Variants in ZBTB7C observed in about 807,000 individuals in gnomAD.
The protein encoded by ZBTB7C is zinc finger and BTB domain containing 7C.
Under a neutral mutation model 25.7 loss-of-function variants are expected in ZBTB7C, and 8 were observed. That is an observed-to-expected ratio of 0.31 (90% CI 0.18 to 0.56). ZBTB7C has a LOEUF of 0.56. Among genes scored for constraint, ZBTB7C ranks in the 20% least tolerant of loss-of-function variants. ZBTB7C has a pLI of 0.91. For missense variants in ZBTB7C, 824 were observed against 855.2 expected, an observed-to-expected ratio of 0.96 and a Z score of 0.46; for synonymous variants, 394 against 369.0, an observed-to-expected ratio of 1.07 and a Z score of -0.78.
chr18:48,280,092 C>T (rs764945426), intron 2 of ZBTB7C, among the ~76,000 whole-genome samples: 19 of 152,118 alleles, frequency 1.2e-4, no homozygotes, highest in Non-Finnish European at 1.9e-4. Flanking sequence ...AAGGAACTCA[C>T]CCTACAATTA....
At chr18:48,042,434 G>C (rs1370703903) in intron 3 of ZBTB7C, among the ~76,000 whole-genome samples, 1 of 152,180 alleles carries the variant, frequency 6.6e-6, no homozygotes, top group Non-Finnish European at 1.5e-5. Context: ...AAAGTGGGGA[G>C]AAAACAAAAA....
chr18:48,037,481 G>A (rs969813421), intron 4 of ZBTB7C, among the ~76,000 whole-genome samples: 2 of 152,194 alleles, frequency 1.3e-5, no homozygotes, highest in Admixed American at 1.3e-4. Flanking sequence ...AATGTCCCAG[G>A]GTCCAGAGGG....
chr18:48,072,132 T>G (rs1419324388), intron 3 of ZBTB7C, among the ~76,000 whole-genome samples: 1 of 152,206 alleles, frequency 6.6e-6, no homozygotes, highest in Non-Finnish European at 1.5e-5. Context: ...GAAGCATGAA[T>G]GAATGAATGA....
chr18:48,224,493 C>T (rs1188487169), intron 2 of ZBTB7C, among the ~76,000 whole-genome samples: 1 of 152,200 alleles, frequency 6.6e-6, no homozygotes, highest in Non-Finnish European at 1.5e-5. Context: ...GTGAGGACAG[C>T]AGACATGCCG....
rs1015184888 is a variant in ZBTB7C, at chr18:48,308,478, C to T, written c.-79+29696G>A. Among the ~76,000 whole-genome samples, 6 of 152,214 alleles carry T rather than the reference C, an allele frequency of 3.9e-5. No individual in the cohort carries two copies. In the East Asian group the frequency reaches 1.2e-3, roughly 29 times the overall value. ...TGGTTTCTCAGTGGGCATCCCGAGT[C>T]TCCTGCCAGCCTGGGGGCTGCCCTG... On this transcript the variant is annotated intron_variant, in intron 2 of 4. Transcript: ENST00000590800.
intron 1 of ZBTB7C, among the ~76,000 whole-genome samples, chr18:48,395,658 C>T (rs1344680406): frequency 6.6e-6 from 1 of 152,182 alleles, no homozygotes; most frequent in African/African-American, 2.4e-5. Flanking sequence ...AGAGCTCAGT[C>T]ACCAGGTACC....
At chr18:48,172,429 G>A (rs1017736007) in intron 3 of ZBTB7C, among the ~76,000 whole-genome samples, 1 of 152,238 alleles carries the variant, frequency 6.6e-6, no homozygotes, top group Non-Finnish European at 1.5e-5. Context: ...CAGGCCTGAA[G>A]CAGGTAGAAG....
chr18:48,105,068 C>T (rs553621124), intron 3 of ZBTB7C, among the ~76,000 whole-genome samples: 246 of 152,336 alleles, frequency 1.6e-3, no homozygotes, highest in Middle Eastern at 0.01. Context: ...GCTGCCCCCA[C>T]GGGGTTAAAC....
chr18:48,246,934 G>GAAGA lies in ZBTB7C; in HGVS notation c.-78-60943_-78-60940dup, dbSNP rs1307837772. On this transcript the variant is annotated intron_variant, in intron 2 of 4. Coordinates refer to ENST00000590800, the MANE Select transcript of ZBTB7C (RefSeq NM_001318841.2). ...GGACCATGAGCACAGATAGGTCATA[G>GAAGA]AAGAATAGCAGTGTATTCAATGATA... 8.5e-5 allele frequency among the ~76,000 whole-genome samples: 13 copies of GAAGA among 152,278 alleles called. No individual in the cohort carries two copies. The East Asian group carries it at 2.5e-3, about 29-fold the overall frequency.
intron 2 of ZBTB7C, among the ~76,000 whole-genome samples, chr18:48,207,227 T>C (rs977665755): frequency 1.3e-5 from 2 of 152,184 alleles, no homozygotes; most frequent in South Asian, 2.1e-4. Context: ...TGTAAATCAA[T>C]ACAATTACTT....
intron 2 of ZBTB7C, among the ~76,000 whole-genome samples, chr18:48,253,498 G>T (rs139877247): frequency 9.3e-4 from 141 of 152,288 alleles, no homozygotes; most frequent in African/African-American, 3.2e-3. Context: ...TGCCCAAACT[G>T]TAGCCTTGAG....
intron 3 of ZBTB7C, among the ~76,000 whole-genome samples, chr18:48,183,317 A>G (rs2041974505): frequency 6.6e-6 from 1 of 152,214 alleles, no homozygotes; most frequent in African/African-American, 2.4e-5. Flanking sequence ...CTATCATTGG[A>G]AAGTAACACA....
At chr18:48,269,887 C>G (rs1458440812) in intron 2 of ZBTB7C, among the ~76,000 whole-genome samples, 1 of 152,086 alleles carries the variant, frequency 6.6e-6, no homozygotes, top group Non-Finnish European at 1.5e-5. Context: ...TGGTCCAGAA[C>G]AGGATTAAAA....
intron 3 of ZBTB7C, chr18:48,072,470 T>G (rs2037583874): frequency 6.6e-6 from 1 of 152,146 alleles, no homozygotes; most frequent in Admixed American, 6.5e-5. Flanking sequence ...CTTTCCCAGG[T>G]CGATCTGCAG....
rs1030652083 is a variant in ZBTB7C, at chr18:48,044,142, T to C, written c.-16-3019A>G. ...CCCCGTTGAACATGGTTCTTGTCTA[T>C]TGACAAACCATTCCACTTCTGCATT... On this transcript the variant is annotated intron_variant, in intron 3 of 4. Coordinates refer to ENST00000590800, the MANE Select transcript of ZBTB7C (RefSeq NM_001318841.2). Among the ~76,000 whole-genome samples, 2 of 152,198 alleles carry C rather than the reference T, an allele frequency of 1.3e-5. 1 individual carries two copies.
chr18:48,225,141 T>C (rs904570836), intron 2 of ZBTB7C, among the ~76,000 whole-genome samples: 1 of 152,178 alleles, frequency 6.6e-6, no homozygotes, highest in African/African-American at 2.4e-5. Flanking sequence ...TGAGCATAAA[T>C]ACTCCCCATC....
intron 2 of ZBTB7C, among the ~76,000 whole-genome samples, chr18:48,234,608 G>T (rs1485820760): frequency 6.6e-6 from 1 of 152,142 alleles, no homozygotes; most frequent in Non-Finnish European, 1.5e-5. Flanking sequence ...GACCTATTAA[G>T]CCTTGCTTTG....
intron 3 of ZBTB7C, among the ~76,000 whole-genome samples, chr18:48,177,654 C>T (rs751847055): frequency 2.0e-5 from 3 of 152,072 alleles, no homozygotes; most frequent in Non-Finnish European, 2.9e-5. Context: ...TCAGGCCAGG[C>T]CTGGCCTGTT....
intron 3 of ZBTB7C, among the ~76,000 whole-genome samples, chr18:48,109,118 G>T (rs1260760586): frequency 2.0e-5 from 3 of 152,098 alleles, no homozygotes; most frequent in African/African-American, 7.2e-5. Context: ...TGAGGGTGGG[G>T]GTTGCGGTCC....
Sources: gnomAD v4.1 joint callset for allele counts (sites outside exome capture counted in the v4.1 genomes callset) on GRCh38, gnomAD v4.1.1 for gene constraint, MANE v1.5 for transcripts, NCBI Gene and HGNC (gene_info 2026-07-23, HGNC 2026-07-21) for gene names.